Variants in RNGTT observed in about 807,000 individuals in gnomAD.
The protein encoded by RNGTT is RNA guanylyltransferase and 5'-phosphatase, also known as mRNA-capping enzyme.
RNGTT carries 33 observed loss-of-function variants against 79.3 expected under a neutral mutation model. The observed-to-expected ratio is 0.42, with a 90% confidence interval of 0.32 to 0.56. The LOEUF (loss-of-function observed/expected upper bound fraction) is 0.56, where lower values mean the gene tolerates loss of function less well. Ranked by LOEUF, RNGTT falls within the 20% of genes least tolerant of loss-of-function variation. The pLI is 0.17. For synonymous variants in RNGTT, 222 were observed against 235.9 expected (o/e 0.94, Z 0.54); for missense variants, 497 against 739.1 (o/e 0.67, Z 3.80).
At chr6:88,690,685 C>T (rs922084177) in intron 13 of RNGTT, among the ~76,000 whole-genome samples, 7 of 151,786 alleles carry the variant, frequency 4.6e-5, no homozygotes, top group Admixed American at 1.3e-4. Context: ...AGTCCAGCCT[C>T]GGTGACAGAG....
At chr6:88,754,732 C>G (rs915341201) in intron 13 of RNGTT, among the ~76,000 whole-genome samples, 2 of 152,192 alleles carry the variant, frequency 1.3e-5, no homozygotes, top group East Asian at 3.9e-4. Context: ...GGGAGGAAAA[C>G]CACTTAAAGG....
intron 8 of RNGTT, among the ~76,000 whole-genome samples, chr6:88,867,643 T>C (rs997046564): frequency 2.6e-5 from 4 of 152,160 alleles, no homozygotes; most frequent in African/African-American, 9.7e-5. Flanking sequence ...TTCTTAGCTA[T>C]AGAAATGTGC....
intron 14 of RNGTT, among the ~76,000 whole-genome samples, chr6:88,660,548 G>GT: frequency 1.0e-5 from 1 of 97,286 alleles, no homozygotes; most frequent in South Asian, 3.0e-4. Flanking sequence ...AGCAACAATG[G>GT]TAAAAAAAAA....
chr6:88,851,749 A>G (rs1450645660), intron 9 of RNGTT, among the ~76,000 whole-genome samples: 2 of 152,070 alleles, frequency 1.3e-5, no homozygotes, highest in African/African-American at 4.8e-5. Flanking sequence ...TTGCACATGA[A>G]AATGTAGAAG....
chr6:88,775,047 G>A (rs1433937140), intron 12 of RNGTT, among the ~76,000 whole-genome samples: 1 of 152,004 alleles, frequency 6.6e-6, no homozygotes, highest in Non-Finnish European at 1.5e-5. Context: ...CAATATATTT[G>A]TATATTCACT....
rs200848328 is a variant in RNGTT at position 88,779,886 on chromosome 6, G to C, written c.1339-10012C>G. 2.0e-4 allele frequency among the ~76,000 whole-genome samples: 31 copies of C among 152,168 alleles called. No homozygotes were observed. In the East Asian group the frequency reaches 5.0e-3, roughly 25 times the overall value. ...TGCATGTTTGTAGTCCCAGCCACCTGGGGGGGCCAAGGCAGGAAAATTGCT... is the reference window on the plus strand; with the variant it reads ...TGCATGTTTGTAGTCCCAGCCACCTCGGGGGGCCAAGGCAGGAAAATTGCT... On this transcript the variant is annotated intron_variant, in intron 12 of 15. Transcript: ENST00000369485.
rs1455988996 is a variant in RNGTT at position 88,941,290 on chromosome 6, C to A, written c.65-110G>T. The A allele has an allele frequency of 5.8e-6, 4 of 692,414 alleles. No homozygotes were observed. In the Admixed American group the frequency reaches 1.0e-4, roughly 18 times the overall value. The allele number at this position is 692,414 out of a possible 1,614,324, so 42.9% of individuals were successfully genotyped here. A position where few individuals can be genotyped will look rare whatever the true frequency, so the allele number is the denominator to read the frequency against. The stretch of plus-strand genomic sequence containing the variant: ...CTTCTTAAAACCTTTTTTTTTGAGA[C>A]CAAGTGTCGCTCTGTCCCCCAGGAT... On this transcript the variant is annotated intron_variant, in intron 1 of 15. Transcript: ENST00000369485.
At chr6:88,789,253 C>T (rs1582462684) in intron 12 of RNGTT, among the ~76,000 whole-genome samples, 1 of 152,084 alleles carries the variant, frequency 6.6e-6, no homozygotes, top group South Asian at 2.1e-4. Flanking sequence ...AACCCCATCG[C>T]TACTAAAAAT....
intron 14 of RNGTT, among the ~76,000 whole-genome samples, chr6:88,634,813 T>C (rs934342608): frequency 2.0e-5 from 3 of 152,064 alleles, no homozygotes; most frequent in African/African-American, 7.2e-5. Flanking sequence ...ATATTTAATA[T>C]GTGAGTGAAA....
chr6:88,768,298 G>A (rs976991492), intron 13 of RNGTT, among the ~76,000 whole-genome samples: 1 of 151,914 alleles, frequency 6.6e-6, no homozygotes, highest in Admixed American at 6.6e-5. Flanking sequence ...TTTAGAAACA[G>A]GGCCTCCTTA....
chr6:88,667,603 A>G (rs1774465594), intron 14 of RNGTT, among the ~76,000 whole-genome samples: 2 of 152,032 alleles, frequency 1.3e-5, no homozygotes, highest in African/African-American at 4.8e-5. Flanking sequence ...GGCTTATCCA[A>G]CACGAACTGA....
At chr6:88,641,359 A>T (rs2093398) in intron 14 of RNGTT, among the ~76,000 whole-genome samples, 141,893 of 145,854 alleles carry the variant, frequency 0.97, 69,197 homozygotes, top group African/African-American at 0.99. Flanking sequence ...AAAAAAAAAA[A>T]TAACCATGGT....
At chr6:88,948,969 C>T (rs1785132039) in intron 1 of RNGTT, among the ~76,000 whole-genome samples, 1 of 95,998 alleles carries the variant, frequency 1.0e-5, no homozygotes, top group Non-Finnish European at 2.0e-5. Flanking sequence ...GGGACACAAA[C>T]ACTGCGGAAG....
At chr6:88,775,003 A>T (rs116034987) in intron 12 of RNGTT, among the ~76,000 whole-genome samples, 3,107 of 152,284 alleles carry the variant, frequency 0.02, 114 homozygotes, top group African/African-American at 0.069. Context: ...TTCCTAATGT[A>T]TATAATATGT....
chr6:88,612,821 T>A lies in RNGTT; in HGVS notation c.1692A>T (p.Arg564Ser), dbSNP rs750782903. 1.2e-6 allele frequency: 2 copies of A among 1,613,778 alleles called. No homozygotes were observed. The highest frequency in any genetic ancestry group is 2.2e-5 in the South Asian group (2 of 91,056). The change falls in exon 16 of 16, where the codon AGA (arginine) becomes AGT (serine). Residue 564 changes from arginine to serine, a missense_variant. By Grantham distance (110) the Arg-to-Ser change is moderately radical (BLOSUM62 -1). Around this residue, in one of 3 missense-constraint regions of RNGTT, gnomAD observed 53 missense variants for 50.5 expected, o/e 1.05. Coordinates refer to ENST00000369485, the MANE Select transcript of RNGTT (RefSeq NM_003800.5). Reference protein sequence around the residue: ...TKEMLFEFIDRCTAASQGQKR... With the variant: ...TKEMLFEFIDSCTAASQGQKR... ...TCTGTCCTTGAGAAGCTGCAGTACA[T>A]CTGTCGATGAACTCAAACAGCATCT... is the stretch of plus-strand genomic sequence containing the variant.
intron 13 of RNGTT, among the ~76,000 whole-genome samples, chr6:88,762,882 T>C (rs187378927): frequency 2.9e-4 from 44 of 152,194 alleles, no homozygotes; most frequent in Admixed American, 7.9e-4. Flanking sequence ...AGAGTCTCTT[T>C]GCTTAAGAGG....
intron 8 of RNGTT, among the ~76,000 whole-genome samples, chr6:88,876,281 C>A (rs1250127057): frequency 6.6e-6 from 1 of 152,186 alleles, no homozygotes; most frequent in Non-Finnish European, 1.5e-5. Flanking sequence ...GTAATCCCAA[C>A]ACTTTGGGAG....
chr6:88,906,839 C>T (rs1394572021), intron 4 of RNGTT, among the ~76,000 whole-genome samples: 2 of 152,000 alleles, frequency 1.3e-5, no homozygotes, highest in South Asian at 2.1e-4. Flanking sequence ...AGAAAAAAAA[C>T]GGTCCTCTTC....
intron 1 of RNGTT, among the ~76,000 whole-genome samples, chr6:88,962,093 T>C (rs113498072): frequency 0.023 from 3,482 of 152,314 alleles, 39 homozygotes; most frequent in Middle Eastern, 0.075. Context: ...TATGTTTCCA[T>C]TTATTTAAAA....
Sources: gnomAD v4.1 joint callset for allele counts (sites outside exome capture counted in the v4.1 genomes callset) on GRCh38, gnomAD v4.1.1 for gene constraint, gnomAD v4.1.1 regional missense constraint, MANE v1.5 for transcripts, NCBI Gene and HGNC (gene_info 2026-07-23, HGNC 2026-07-21) for gene names.